Variants in FBXO22 observed in about 807,000 individuals in gnomAD.
FBXO22 encodes F-box only protein 22.
In FBXO22, 13 loss-of-function variants were observed where a neutral mutation model predicts 37.2. The observed-to-expected ratio is 0.35, with a 90% CI of 0.23 to 0.56. The LOEUF is 0.56. Ranked by LOEUF, FBXO22 falls within the 20% of genes least tolerant of loss-of-function variation. FBXO22 has a pLI of 0.87. For missense variants in FBXO22, 446 were observed against 509.9 expected, an observed-to-expected ratio of 0.87 and a Z score of 1.21; for synonymous variants, 189 against 189.1, an observed-to-expected ratio of 1.00 and a Z score of 0.00.
Position 75,937,076 on chromosome 15 carries a change from CTATACT to C in FBXO22, c.*3977_*3982del, listed in dbSNP as rs2141733928. 6.6e-6 allele frequency: 1 copy of C among 152,008 alleles called. No homozygotes were observed. Among genetic ancestry groups the C allele is most frequent in the East Asian group, 1.9e-4 (1 of 5,188 alleles). The allele number at this position is 152,008 out of a possible 1,614,324, so 9.4% of individuals were successfully genotyped here. On this transcript the variant is annotated 3_prime_UTR_variant, in exon 7 of 7. Coordinates refer to ENST00000308275, the MANE Select transcript of FBXO22 (RefSeq NM_147188.3). ...TCTAATTATGACTAAAATTTAATCA[CTATACT>C]TAATAAACATACTCTATTCAAGGTC...
intron 5 of FBXO22, among the ~76,000 whole-genome samples, chr15:75,923,911 A>C (rs912905680): frequency 6.6e-6 from 1 of 152,112 alleles, no homozygotes; most frequent in African/African-American, 2.4e-5. Flanking sequence ...AATGGACAGG[A>C]TGTGGTGACT....
intron 2 of FBXO22, among the ~76,000 whole-genome samples, chr15:75,908,364 C>G (rs1312640254): frequency 6.6e-6 from 1 of 151,790 alleles, no homozygotes; most frequent in Non-Finnish European, 1.5e-5. Context: ...CCTCCACCTT[C>G]CTAGTTCAAG....
Position 75,933,100 on chromosome 15 carries a change from T to A in FBXO22, c.1210T>A (p.Ter404LysextTer1). The A allele has an allele frequency of 1.3e-6, 2 of 1,587,888 alleles. No homozygotes were observed. The highest frequency in any genetic ancestry group is 2.3e-5 in the South Asian group (2 of 86,746). The change falls in exon 7 of 7, where the codon TAA (stop) becomes AAA (lysine). Residue 404 changes from the stop codon to lysine, a stop_lost. Transcript: ENST00000308275. ...MALIHLGSSK[*>K] The stretch of plus-strand genomic sequence containing the variant: ...ACTCATACATCTGGGGTCATCTAAA[T>A]AATAATTAAAGTGGCTTTCATAATA...
intron 5 of FBXO22, among the ~76,000 whole-genome samples, chr15:75,922,635 A>G (rs1207463274): frequency 2.0e-5 from 3 of 152,192 alleles, no homozygotes; most frequent in Non-Finnish European, 2.9e-5. Context: ...AGGCCAGGCT[A>G]AAGAGTCTGG....
In FBXO22 at chr15:75,932,672, C is replaced by A; in HGVS notation, c.795-13C>A. On this transcript the variant is annotated splice_polypyrimidine_tract_variant and intron_variant, in intron 6 of 6. Transcript: ENST00000308275. Reference sequence around the variant, plus strand: ...TGTTTCATGAGATATTGCCACTTTTCTAAATTTTCCAGGAACCCTCTGGAT... The same window carrying A: ...TGTTTCATGAGATATTGCCACTTTTATAAATTTTCCAGGAACCCTCTGGAT... 6.4e-7 allele frequency: 1 copy of A among 1,557,506 alleles called. No homozygotes were observed. The highest frequency in any genetic ancestry group is 1.2e-5 in the South Asian group (1 of 83,252).
At chr15:75,921,381 G>T (rs1379708664) in intron 5 of FBXO22, among the ~76,000 whole-genome samples, 2 of 152,070 alleles carry the variant, frequency 1.3e-5, no homozygotes, top group Non-Finnish European at 2.9e-5. Context: ...TTTTTGTTTG[G>T]CCGGGCACAG....
Position 75,933,136 on chromosome 15 carries a change from G to C in FBXO22, c.*34G>C. The stretch of plus-strand genomic sequence containing the variant: ...GTGGCTTTCATAATATGTAACTTTT[G>C]GGTTCTGCCTTTTTCAGAAAATGGA... On this transcript the variant is annotated 3_prime_UTR_variant, in exon 7 of 7. Coordinates refer to ENST00000308275, the MANE Select transcript of FBXO22 (RefSeq NM_147188.3). The C allele has an allele frequency of 6.5e-7, 1 of 1,539,482 alleles. No homozygotes were observed. Among genetic ancestry groups the C allele is most frequent in the African/African-American group, 1.4e-5 (1 of 72,110 alleles).
intron 4 of FBXO22, among the ~76,000 whole-genome samples, chr15:75,916,808 A>C (rs954537421): frequency 4.6e-5 from 7 of 151,960 alleles, no homozygotes; most frequent in Admixed American, 1.3e-4. Flanking sequence ...TTATGTGATA[A>C]AATACTTGGG....
chr15:75,930,418 T>C (rs1399782731), intron 6 of FBXO22: 1 of 1,069,588 alleles, frequency 9.3e-7, no homozygotes, highest in Non-Finnish European at 1.1e-6. Flanking sequence ...ATGGCAAAAC[T>C]TCTCAGAGCT....
rs763614594 is a variant in FBXO22, at chr15:75,930,321, C to A, written c.794+272C>A. Reference sequence around the variant, plus strand: ...CATTGCCTGTTGATCTTTCCTTTGACAGATGTGGTACTCTGTGTGACCTCA... The same window carrying A: ...CATTGCCTGTTGATCTTTCCTTTGAAAGATGTGGTACTCTGTGTGACCTCA... On this transcript the variant is annotated intron_variant, in intron 6 of 6. Coordinates refer to ENST00000308275, the MANE Select transcript of FBXO22 (RefSeq NM_147188.3). 4 of 1,356,428 alleles carry A rather than the reference C, an allele frequency of 2.9e-6. No homozygotes were observed. The African/African-American group carries it at 5.9e-5, about 20-fold the overall frequency. 84.0% of individuals were successfully genotyped at this position (1,356,428 alleles called of 1,614,324 possible).
chr15:75,921,532 G>A (rs979649694), intron 5 of FBXO22, among the ~76,000 whole-genome samples: 1 of 152,038 alleles, frequency 6.6e-6, no homozygotes. Context: ...GCATAGTGGT[G>A]TGCGCCTGTA....
At chr15:75,918,055 C>T (rs192781247) in intron 5 of FBXO22, among the ~76,000 whole-genome samples, 16 of 152,278 alleles carry the variant, frequency 1.1e-4, no homozygotes, top group African/African-American at 3.8e-4. Flanking sequence ...AGCGTTTAGC[C>T]TTTTATCTAC....
At chr15:75,929,293 G>T (rs1328828484) in intron 5 of FBXO22, among the ~76,000 whole-genome samples, 1 of 143,456 alleles carries the variant, frequency 7.0e-6, no homozygotes, top group Non-Finnish European at 1.5e-5. Context: ...CTAACATAGC[G>T]AGACCCCATC....
At chr15:75,908,733 C>T (rs188003556) in intron 2 of FBXO22, among the ~76,000 whole-genome samples, 52 of 152,282 alleles carry the variant, frequency 3.4e-4, no homozygotes, top group African/African-American at 3.1e-4. Context: ...TTAAGAGGCA[C>T]GTAGTCTAAG....
intron 3 of FBXO22, among the ~76,000 whole-genome samples, chr15:75,913,645 A>G (rs768901342): frequency 3.9e-5 from 6 of 152,262 alleles, no homozygotes; most frequent in Admixed American, 3.3e-4. Context: ...TTATGTAGAG[A>G]AATGGTGCAT....
At chr15:75,909,160 T>C (rs1473259999) in intron 2 of FBXO22, among the ~76,000 whole-genome samples, 1 of 152,206 alleles carries the variant, frequency 6.6e-6, no homozygotes, top group African/African-American at 2.4e-5. Context: ...GAAAGTTTAG[T>C]TGAAAACAGG....
At chr15:75,924,458 G>A (rs1900397435) in intron 5 of FBXO22, among the ~76,000 whole-genome samples, 1 of 152,150 alleles carries the variant, frequency 6.6e-6, no homozygotes, top group South Asian at 2.1e-4. Context: ...CTAGGTTGAA[G>A]GGTGAAGGGA....
chr15:75,932,613 A>C (rs2030080592), intron 6 of FBXO22, 72 bp from the exon 7 acceptor site: 2 of 1,393,660 alleles, frequency 1.4e-6, no homozygotes, highest in South Asian at 2.8e-5. Flanking sequence ...TCAGTGAATC[A>C]GGAGGATTTT....
In FBXO22 at chr15:75,942,499, T is replaced by G. The variant is rs2031100463; in HGVS notation, c.*9397T>G. 2 of 152,162 alleles carry G rather than the reference T, an allele frequency of 1.3e-5. No homozygotes were observed. Among genetic ancestry groups the G allele is most frequent in the Non-Finnish European group, 1.5e-5 (1 of 68,026 alleles). The allele number at this position is 152,162 out of a possible 1,614,324, so 9.4% of individuals were successfully genotyped here. ...TGAAAATCTAAAACTTCTAATAAAG[T>G]CTATTAAAATTATGTGAGAGCTTTT... On this transcript the variant is annotated 3_prime_UTR_variant, in exon 7 of 7. Transcript: ENST00000308275.
Sources: allele counts gnomAD v4.1 joint callset (sites outside exome capture counted in the v4.1 genomes callset), GRCh38; gene constraint gnomAD v4.1.1; transcripts MANE v1.5; gene names NCBI Gene and HGNC (gene_info 2026-07-23, HGNC 2026-07-21).